Variants in VMP1 observed in about 807,000 individuals in gnomAD.
VMP1 encodes vacuole membrane protein 1.
Under a neutral mutation model 56.0 loss-of-function variants are expected in VMP1, and 11 were observed. The ratio of observed to expected loss-of-function variants is 0.20; its 90% CI spans 0.12 to 0.32. The LOEUF is 0.32. Ranked by LOEUF, VMP1 falls within the 10% of genes least tolerant of loss-of-function variation. The pLI, the probability that VMP1 is intolerant of heterozygous loss-of-function variation, is 1.00. For missense variants in VMP1, 296 were observed against 490.3 expected (o/e 0.60, Z 3.74); for synonymous variants, 149 against 165.0 (o/e 0.90, Z 0.74).
At chr17:59,756,407 T>C (rs2035845035) in intron 5 of VMP1, among the ~76,000 whole-genome samples, 1 of 152,246 alleles carries the variant, frequency 6.6e-6, no homozygotes, top group South Asian at 2.1e-4. Flanking sequence ...TGAAGAAGTA[T>C]GGCAAATAAA....
intron 10 of VMP1, among the ~76,000 whole-genome samples, chr17:59,829,031 G>A (rs548355525): frequency 7.9e-5 from 12 of 152,244 alleles, no homozygotes; most frequent in South Asian, 2.1e-4. Context: ...CAGGAGAATC[G>A]CTTGAAGCCG....
chr17:59,806,493 G>A (rs932250603), intron 7 of VMP1, among the ~76,000 whole-genome samples: 4 of 151,968 alleles, frequency 2.6e-5, no homozygotes, highest in African/African-American at 9.7e-5. Flanking sequence ...TTGGGAGGCC[G>A]AGGTGGGAGG....
rs961855087 is a variant in VMP1, at chr17:59,840,902, G to A, written c.*991G>A. ...TTCTAAAAAAAAACCACACTCTGTCGTATCTGTGTTAATGTTTTCTAGCAT... is the reference window on the plus strand; with the variant it reads ...TTCTAAAAAAAAACCACACTCTGTCATATCTGTGTTAATGTTTTCTAGCAT... On this transcript the variant is annotated 3_prime_UTR_variant, in exon 12 of 12. Coordinates refer to ENST00000262291, the MANE Select transcript of VMP1 (RefSeq NM_030938.5). 3 of 155,920 alleles carry A rather than the reference G, an allele frequency of 1.9e-5. No individual in the cohort carries two copies. The highest frequency in any genetic ancestry group is 4.3e-5 in the Non-Finnish European group (3 of 70,012). The allele number at this position is 155,920 out of a possible 1,614,324, so 9.7% of individuals were successfully genotyped here.
chr17:59,817,025 T>C (rs1257232069), intron 9 of VMP1, among the ~76,000 whole-genome samples: 1 of 150,814 alleles, frequency 6.6e-6, no homozygotes, highest in African/African-American at 2.4e-5. Context: ...TCCCAGCACT[T>C]TGGGAGGCTG....
At chr17:59,725,110 T>C (rs1277033558) in intron 1 of VMP1, among the ~76,000 whole-genome samples, 2 of 152,176 alleles carry the variant, frequency 1.3e-5, no homozygotes, top group Admixed American at 6.5e-5. Context: ...TGAGCCGAGA[T>C]TGTGCCACTG....
At position 59,811,825 on chromosome 17, in the gene VMP1, A is replaced by G. The variant is rs764669579; in HGVS notation, c.912+39A>G. The G allele has an allele frequency of 9.8e-6, 13 of 1,328,912 alleles. No individual in the cohort carries two copies. In the East Asian group the frequency reaches 1.4e-4, roughly 14 times the overall value. 82.3% of individuals were successfully genotyped at this position (1,328,912 alleles called of 1,614,324 possible). A position where few individuals can be genotyped will look rare whatever the true frequency, so the allele number is the denominator to read the frequency against. ...CTGATTCACTGCCTAATGATGATGA[A>G]CCCATTACAAGACAATGAAACATGC... is the stretch of plus-strand genomic sequence containing the variant. On this transcript the variant is annotated intron_variant, in intron 9 of 11. Transcript: ENST00000262291.
chr17:59,808,982 G>T, intron 8 of VMP1, 106 bp downstream of exon 8: 6 of 842,554 alleles, frequency 7.1e-6, no homozygotes, highest in South Asian at 1.9e-5. Flanking sequence ...TATTGGGTAT[G>T]TAATTTTGTG....
At chr17:59,718,184 CTTTT>C (rs971095445) in intron 1 of VMP1, among the ~76,000 whole-genome samples, 1 of 79,252 alleles carries the variant, frequency 1.3e-5, no homozygotes, top group African/African-American at 4.5e-5. Flanking sequence ...TCCCTCCCTC[CTTTT>C]TTTTTTTTTT....
chr17:59,810,620 G>A (rs1250594800), intron 8 of VMP1, among the ~76,000 whole-genome samples: 1 of 152,144 alleles, frequency 6.6e-6, no homozygotes, highest in East Asian at 1.9e-4. Context: ...GGTTGTAAGA[G>A]ATGAAATAAT....
intron 1 of VMP1, among the ~76,000 whole-genome samples, chr17:59,721,947 CT>C (rs371538995): frequency 6.6e-6 from 1 of 152,306 alleles, no homozygotes; most frequent in African/African-American, 2.4e-5. Flanking sequence ...GGTGAGGACT[CT>C]CTTCCTGGCT....
intron 5 of VMP1, among the ~76,000 whole-genome samples, chr17:59,745,758 C>G (rs1040200388): frequency 2.6e-5 from 4 of 152,128 alleles, no homozygotes; most frequent in Non-Finnish European, 5.9e-5. Flanking sequence ...ATAACTAACC[C>G]TCAACAAAGA....
Position 59,818,669 on chromosome 17 carries a change from C to T in VMP1, c.974+896C>T, listed in dbSNP as rs775946625. The stretch of plus-strand genomic sequence containing the variant: ...CCTGTAATCCCAGCTACGAGGGAGG[C>T]GGAGGTTGCGGTGAGCTGAGAGCGC... On this transcript the variant is annotated intron_variant, in intron 10 of 11. Coordinates refer to ENST00000262291, the MANE Select transcript of VMP1 (RefSeq NM_030938.5). 3.0e-4 allele frequency among the ~76,000 whole-genome samples: 45 copies of T among 151,686 alleles called. 1 individual carries two copies. The highest frequency in any genetic ancestry group is 2.8e-3 in the Admixed American group (43 of 15,216).
intron 5 of VMP1, among the ~76,000 whole-genome samples, chr17:59,760,979 C>T (rs1485249804): frequency 5.3e-5 from 8 of 151,498 alleles, no homozygotes; most frequent in East Asian, 3.9e-4. Flanking sequence ...CTCAGCTCAC[C>T]GCACCCTCTG....
chr17:59,772,873 T>C (rs2144030373), intron 6 of VMP1, among the ~76,000 whole-genome samples: 1 of 151,688 alleles, frequency 6.6e-6, no homozygotes, highest in South Asian at 2.1e-4. Context: ...AGAAAAGTTG[T>C]ATTTAAATTA....
chr17:59,818,637 G>A (rs2038331510), intron 10 of VMP1, among the ~76,000 whole-genome samples: 1 of 151,918 alleles, frequency 6.6e-6, no homozygotes. Context: ...GGGCGTGGTG[G>A]CACATGCCTG....
At position 59,779,398 on chromosome 17, in the gene VMP1, G is replaced by A. The variant is rs145424517; in HGVS notation, c.714+5513G>A. 5.8e-3 allele frequency among the ~76,000 whole-genome samples: 884 copies of A among 152,338 alleles called. 3 individuals carry two copies. The highest frequency in any genetic ancestry group is 9.8e-3 in the Non-Finnish European group (668 of 68,032). The stretch of plus-strand genomic sequence containing the variant: ...TGCTGAGTAGGGATGGGACCTGGGA[G>A]TCTTTTGCATTCTCCTTGTTTTCAG... On this transcript the variant is annotated intron_variant, in intron 7 of 11. Transcript: ENST00000262291.
intron 10 of VMP1, among the ~76,000 whole-genome samples, chr17:59,832,671 G>A (rs911995701): frequency 6.6e-6 from 1 of 151,388 alleles, no homozygotes; most frequent in Admixed American, 6.6e-5. Flanking sequence ...TCGGCTCACT[G>A]CACCCTTCGC....
chr17:59,797,211 G>A (rs955194380), intron 7 of VMP1, among the ~76,000 whole-genome samples: 1 of 150,154 alleles, frequency 6.7e-6, no homozygotes, highest in Non-Finnish European at 1.5e-5. Flanking sequence ...TGTGGCACAC[G>A]CCTGTAGTCC....
At chr17:59,809,518 T>C (rs1228972322) in intron 8 of VMP1, among the ~76,000 whole-genome samples, 1 of 68,662 alleles carries the variant, frequency 1.5e-5, no homozygotes, top group Non-Finnish European at 2.9e-5. Flanking sequence ...TTTTTTTTTT[T>C]TTTTTTGAGA....
Sources: allele counts gnomAD v4.1 joint callset (sites outside exome capture counted in the v4.1 genomes callset), GRCh38; gene constraint gnomAD v4.1.1; transcripts MANE v1.5; gene names NCBI Gene and HGNC (gene_info 2026-07-23, HGNC 2026-07-21).